Variants in PEX7 observed in about 807,000 individuals in gnomAD.
PEX7 encodes the protein PTS2 receptor.
In PEX7, 34 loss-of-function variants were observed where a neutral mutation model predicts 47.5. That is an observed-to-expected ratio of 0.72 (90% CI 0.54 to 0.95). The LOEUF (loss-of-function observed/expected upper bound fraction) is 0.95, where lower values mean the gene tolerates loss of function less well. Ranked by LOEUF, PEX7 falls within the 40% of genes least tolerant of loss-of-function variation. The pLI is 0.00. For synonymous variants in PEX7, 141 were observed against 148.8 expected (o/e 0.95, Z 0.38); for missense variants, 394 against 400.3 (o/e 0.98, Z 0.13).
At chr6:136,830,163 T>C (rs1435557286) in intron 3 of PEX7, 3 of 636,408 alleles carry the variant, frequency 4.7e-6, no homozygotes, top group Non-Finnish European at 8.4e-6. Context: ...ACCTTGCGTA[T>C]GTCACATATT....
In PEX7 at chr6:136,900,419, C is replaced by A. The variant is rs1413246566; in HGVS notation, c.903+2178C>A. On this transcript the variant is annotated intron_variant, in intron 9 of 9. Coordinates refer to ENST00000318471, the MANE Select transcript of PEX7 (RefSeq NM_000288.4). The surrounding 1 kb of genome is among the most constrained non-coding windows in gnomAD (Gnocchi z 4.2). The stretch of plus-strand genomic sequence containing the variant: ...GCAGGTTCTTTAGCCTTTGCCTTTT[C>A]CAGCTTGGCAGTGTGAGCCACAGAC... 1 of 398,180 alleles carries A rather than the reference C, an allele frequency of 2.5e-6. No individual in the cohort carries two copies. Among genetic ancestry groups the A allele is most frequent in the African/African-American group, 2.0e-5 (1 of 49,348 alleles). 24.7% of individuals were successfully genotyped at this position (398,180 alleles called of 1,614,324 possible).
intron 3 of PEX7, among the ~76,000 whole-genome samples, chr6:136,838,073 G>A (rs931036850): frequency 1.3e-5 from 2 of 152,122 alleles, no homozygotes; most frequent in African/African-American, 2.4e-5. Flanking sequence ...AAATGCAGAA[G>A]GAATAACAGA....
intron 3 of PEX7, among the ~76,000 whole-genome samples, chr6:136,836,900 T>G (rs118135861): frequency 0.011 from 1,719 of 151,688 alleles, 19 homozygotes; most frequent in Non-Finnish European, 0.018. Flanking sequence ...TTGCAGTGAG[T>G]GAAATCATGC....
chr6:136,832,393 G>C (rs1774311019), intron 3 of PEX7, among the ~76,000 whole-genome samples: 1 of 152,206 alleles, frequency 6.6e-6, no homozygotes, highest in South Asian at 2.1e-4. Flanking sequence ...TAGGCCGCTG[G>C]GCCTGTGATG....
chr6:136,855,924 T>C (rs1354920427), intron 5 of PEX7: 1 of 216,468 alleles, frequency 4.6e-6, no homozygotes, highest in Non-Finnish European at 9.2e-6. Context: ...CTGCATTTTT[T>C]GGACGTCAGT....
intron 9 of PEX7, among the ~76,000 whole-genome samples, chr6:136,904,570 A>C (rs1453603301): frequency 6.6e-6 from 1 of 151,130 alleles, no homozygotes; most frequent in Non-Finnish European, 1.5e-5. Context: ...CACTGTTCTC[A>C]TGATAGTGAA....
chr6:136,870,719 CTT>C, intron 7 of PEX7: 5 of 371,144 alleles, frequency 1.3e-5, no homozygotes, highest in Admixed American at 6.4e-5. Context: ...ATTTTTTTTT[CTT>C]TTTTTTTGAG....
At chr6:136,883,098 G>A (rs902220004) in intron 8 of PEX7, among the ~76,000 whole-genome samples, 1 of 152,130 alleles carries the variant, frequency 6.6e-6, no homozygotes, top group Non-Finnish European at 1.5e-5. Context: ...CAATCATTAT[G>A]CTTGCTAAGG....
intron 8 of PEX7, among the ~76,000 whole-genome samples, chr6:136,880,687 A>G (rs1229899012): frequency 6.6e-6 from 1 of 152,214 alleles, no homozygotes; most frequent in Non-Finnish European, 1.5e-5. Flanking sequence ...TTGGATTTAC[A>G]TGGCCTCATT....
intron 4 of PEX7, among the ~76,000 whole-genome samples, 157 bp from the exon 5 acceptor site, chr6:136,845,916 G>T (rs973101938): frequency 6.6e-6 from 1 of 152,012 alleles, no homozygotes; most frequent in African/African-American, 2.4e-5. Context: ...ATACAGTCTT[G>T]CTTTATATCA....
chr6:136,909,942 C>T (rs1375551209), intron 9 of PEX7, among the ~76,000 whole-genome samples: 2 of 152,108 alleles, frequency 1.3e-5, no homozygotes, highest in Non-Finnish European at 2.9e-5. Context: ...GGATGCTTAA[C>T]ATGTGGGAAG....
At chr6:136,862,596 G>A (rs560590260) in intron 5 of PEX7, among the ~76,000 whole-genome samples, 31 of 151,942 alleles carry the variant, frequency 2.0e-4, no homozygotes, top group Admixed American at 1.5e-3. Context: ...GGCTGATCTC[G>A]AACTCCTGGG....
intron 9 of PEX7, among the ~76,000 whole-genome samples, chr6:136,907,799 A>G (rs1410001041): frequency 1.6e-4 from 24 of 152,086 alleles, no homozygotes; most frequent in Admixed American, 1.6e-3. Flanking sequence ...AATTGATGCA[A>G]TTAAGGGATA....
chr6:136,854,146 A>C (rs1267813656), intron 5 of PEX7, among the ~76,000 whole-genome samples: 1 of 152,158 alleles, frequency 6.6e-6, no homozygotes, highest in African/African-American at 2.4e-5. Flanking sequence ...TTTAATTTGA[A>C]TCAATTAACC....
chr6:136,891,308 A>G (rs529460985), intron 8 of PEX7, among the ~76,000 whole-genome samples: 8 of 152,214 alleles, frequency 5.3e-5, no homozygotes, highest in Non-Finnish European at 1.2e-4. Flanking sequence ...TTTCGATGAA[A>G]TATTGTGATG....
chr6:136,886,735 ATGTC>A (rs72469882), intron 8 of PEX7, among the ~76,000 whole-genome samples: 14,903 of 152,186 alleles, frequency 0.098, 821 homozygotes, highest in Admixed American at 0.14. Context: ...AAAGTTGAAT[ATGTC>A]TGGGCATTTG....
chr6:136,889,668 T>C (rs1775522739), intron 8 of PEX7, among the ~76,000 whole-genome samples: 1 of 152,246 alleles, frequency 6.6e-6, no homozygotes, highest in South Asian at 2.1e-4. Flanking sequence ...ATTTTTTAAA[T>C]GTAGATACTG....
At position 136,826,328 on chromosome 6, in the gene PEX7, G is replaced by A. The variant is rs765805185; in HGVS notation, c.198G>A (p.Trp66Ter). 1 of 1,613,930 alleles carries A rather than the reference G, an allele frequency of 6.2e-7. No individual in the cohort carries two copies. The highest frequency in any genetic ancestry group is 1.1e-5 in the South Asian group (1 of 91,050). ...TTTTTTCCTAGTGTAGCTTTGACTG[G>A]AATGATGGTTTGTTTGATGTGACTT... ...AGLRLFRSFDWNDGLFDVTWS... is the reference protein window; with the variant it reads ...AGLRLFRSFD The change falls in exon 3 of 10, where the codon TGG becomes TGA. Residue 66 changes from tryptophan (W) to a stop codon, truncating the protein, a stop_gained. Transcript: ENST00000318471. LOFTEE classifies it high-confidence loss of function.
chr6:136,845,977 A>G, intron 4 of PEX7, 96 bp from the exon 5 acceptor site: 1 of 748,598 alleles, frequency 1.3e-6, no homozygotes, highest in Admixed American at 2.0e-5. Flanking sequence ...GTATGCATAT[A>G]TATAAATGTA....
Sources: gnomAD v4.1 joint callset for allele counts (sites outside exome capture counted in the v4.1 genomes callset) on GRCh38, gnomAD v4.1.1 for gene constraint, Gnocchi (gnomAD v3.1) non-coding constraint, MANE v1.5 for transcripts, NCBI Gene and HGNC (gene_info 2026-07-23, HGNC 2026-07-21) for gene names.